TGFBR2: variants seen among roughly 807,000 people sequenced by gnomAD.
The protein encoded by TGFBR2 is TGF-beta receptor type-2.
TGFBR2 carries 18 observed loss-of-function variants against 49.0 expected under a neutral mutation model. The ratio of observed to expected loss-of-function variants is 0.37; its 90% CI spans 0.25 to 0.54. The LOEUF is 0.54. TGFBR2 is among the 20% of genes least tolerant of loss of function. The probability of loss-of-function intolerance (pLI) is 0.85; values close to 1 mark genes in which losing one functional copy is unlikely to be tolerated. For synonymous variants in TGFBR2, 282 were observed against 275.9 expected (o/e 1.02, Z -0.22); for missense variants, 525 against 722.6 (o/e 0.73, Z 3.13).
At chr3:30,688,765 C>A (rs1456241801) in intron 6 of TGFBR2, among the ~76,000 whole-genome samples, 1 of 152,206 alleles carries the variant, frequency 6.6e-6, no homozygotes, top group Non-Finnish European at 1.5e-5. Flanking sequence ...TCCAAGCCCC[C>A]TTGGTCCTGG....
intron 1 of TGFBR2, among the ~76,000 whole-genome samples, chr3:30,610,627 T>C (rs1675311768): frequency 6.6e-6 from 1 of 152,238 alleles, no homozygotes; most frequent in African/African-American, 2.4e-5. Flanking sequence ...GTGTAGCCTG[T>C]TGTAGTTGCT....
intron 1 of TGFBR2, 70 bp downstream of exon 1, chr3:30,607,047 G>A (rs967851030): frequency 1.5e-5 from 21 of 1,375,450 alleles, no homozygotes; most frequent in Admixed American, 8.4e-5. Flanking sequence ...TCTCCGCTGC[G>A]CTTGACAGTC....
In TGFBR2 at chr3:30,606,756, C is replaced by T. The variant is rs2306856; in HGVS notation, c.-128C>T. The T allele has an allele frequency of 4.7e-6, 3 of 639,528 alleles. No homozygotes were observed. Among genetic ancestry groups the T allele is most frequent in the Non-Finnish European group, 6.9e-6 (3 of 437,658 alleles). The allele number at this position is 639,528 out of a possible 1,614,324, so 39.6% of individuals were successfully genotyped here. ...TGGCGAGCGGGCGCCACATCTGGCC[C>T]GCACATCTGCGCTGCCGGCCCGGCG... On this transcript the variant is annotated 5_prime_UTR_variant, in exon 1 of 7. Coordinates refer to ENST00000295754, the MANE Select transcript of TGFBR2 (RefSeq NM_003242.6).
At chr3:30,619,474 G>C (rs1412410248) in intron 1 of TGFBR2, among the ~76,000 whole-genome samples, 1 of 152,126 alleles carries the variant, frequency 6.6e-6, no homozygotes, top group Non-Finnish European at 1.5e-5. Flanking sequence ...GGCTGCCTCA[G>C]TGTCCCTTGG....
intron 3 of TGFBR2, among the ~76,000 whole-genome samples, chr3:30,655,579 T>A (rs1698978857): frequency 6.6e-6 from 1 of 152,214 alleles, no homozygotes; most frequent in South Asian, 2.1e-4. Flanking sequence ...CACAAGTGCC[T>A]TTCACATAAG....
At chr3:30,690,787 G>C (rs1052668232) in intron 6 of TGFBR2, among the ~76,000 whole-genome samples, 2 of 152,110 alleles carry the variant, frequency 1.3e-5, no homozygotes, top group Non-Finnish European at 2.9e-5. Flanking sequence ...AAACTATTCC[G>C]CATGATACTA....
At chr3:30,671,437 G>T (rs1699334210) in intron 3 of TGFBR2, among the ~76,000 whole-genome samples, 1 of 152,162 alleles carries the variant, frequency 6.6e-6, no homozygotes, top group Non-Finnish European at 1.5e-5. Context: ...AGGAAGAGCA[G>T]GGGATGACGA....
chr3:30,607,910 T>C (rs1697960042), intron 1 of TGFBR2, among the ~76,000 whole-genome samples: 1 of 148,480 alleles, frequency 6.7e-6, no homozygotes, highest in African/African-American at 2.5e-5. Context: ...CTATTTGTTA[T>C]GGAAAGTGTA....
chr3:30,621,278 C>CT (rs10688941), intron 1 of TGFBR2, among the ~76,000 whole-genome samples: 13,957 of 116,110 alleles, frequency 0.12, 1,780 homozygotes, highest in African/African-American at 0.3. Context: ...TTTTAATATT[C>CT]TTTTTTTTTT....
chr3:30,642,202 T>C (rs940206827), intron 1 of TGFBR2, among the ~76,000 whole-genome samples: 7 of 152,148 alleles, frequency 4.6e-5, no homozygotes, highest in African/African-American at 1.7e-4. Flanking sequence ...AAAGAGCTAA[T>C]CACCTCTCCT....
intron 3 of TGFBR2, among the ~76,000 whole-genome samples, chr3:30,660,793 A>C (rs568597546): frequency 1.3e-5 from 2 of 152,348 alleles, no homozygotes; most frequent in East Asian, 3.9e-4. Context: ...TTATACGTTA[A>C]AGGAAAGCAC....
At chr3:30,637,947 C>T (rs1050533051) in intron 1 of TGFBR2, among the ~76,000 whole-genome samples, 2 of 152,218 alleles carry the variant, frequency 1.3e-5, no homozygotes, top group Non-Finnish European at 2.9e-5. Context: ...GTTTACAACA[C>T]AGCATTATGA....
Position 30,691,575 on chromosome 3 carries a change from C to T in TGFBR2, c.1680C>T (p.Asp560=), listed in dbSNP as rs376815143. 2.0e-5 allele frequency: 32 copies of T among 1,613,958 alleles called. No homozygotes were observed. Among genetic ancestry groups the T allele is most frequent in the Middle Eastern group, 1.6e-4 (1 of 6,084 alleles). The change falls in exon 7 of 7, where the codon GAC becomes GAT. Residue 560 remains aspartate (D), a synonymous_variant. Transcript: ENST00000295754. The part of the protein sequence containing the change: ...RSCSEEKIPE[D]GSLNTTK ...GCTCGGAGGAGAAGATTCCTGAAGACGGCTCCCTAAACACTACCAAATAGC... is the reference window on the plus strand; with the variant it reads ...GCTCGGAGGAGAAGATTCCTGAAGATGGCTCCCTAAACACTACCAAATAGC...
rs575830618 is a variant in TGFBR2 at position 30,662,562 on chromosome 3, G to C, written c.455-9076G>C. 9.8e-5 allele frequency among the ~76,000 whole-genome samples: 15 copies of C among 152,314 alleles called. No individual in the cohort carries two copies. The South Asian group carries it at 2.9e-3, about 29-fold the overall frequency. On this transcript the variant is annotated intron_variant, in intron 3 of 6. Transcript: ENST00000295754. ...AAATATATCCAGAATGTCAAACAGT[G>C]CTATCAATAGCTAGAAGTTAAATTA...
At chr3:30,655,262 G>A (rs910914483) in intron 3 of TGFBR2, among the ~76,000 whole-genome samples, 16 of 152,094 alleles carry the variant, frequency 1.1e-4, no homozygotes, top group Admixed American at 7.2e-4. Flanking sequence ...TGTAGCCTTC[G>A]GTCTGTTCTA....
At chr3:30,648,811 T>C (rs1218336619) in intron 2 of TGFBR2, among the ~76,000 whole-genome samples, 1 of 152,156 alleles carries the variant, frequency 6.6e-6, no homozygotes, top group Admixed American at 6.5e-5. Context: ...ACTGGCACCA[T>C]TCCTGCCTGG....
chr3:30,608,234 G>T (rs1227575492), intron 1 of TGFBR2, among the ~76,000 whole-genome samples: 1 of 152,132 alleles, frequency 6.6e-6, no homozygotes, highest in African/African-American at 2.4e-5. Context: ...ACCGCGCCCG[G>T]CCAAAAGTTA....
chr3:30,628,245 C>G (rs879371782), intron 1 of TGFBR2, among the ~76,000 whole-genome samples: 2 of 151,626 alleles, frequency 1.3e-5, no homozygotes, highest in Non-Finnish European at 2.9e-5. Flanking sequence ...TAAACCGTTA[C>G]AAACTTCTCC....
chr3:30,688,759 AG>A (rs1489970245), intron 6 of TGFBR2, among the ~76,000 whole-genome samples: 1 of 152,218 alleles, frequency 6.6e-6, no homozygotes, highest in Non-Finnish European at 1.5e-5. Context: ...ACATTTTCCA[AG>A]CCCCCTTGGT....
Sources: gnomAD v4.1 joint callset for allele counts (sites outside exome capture counted in the v4.1 genomes callset) on GRCh38, gnomAD v4.1.1 for gene constraint, MANE v1.5 for transcripts, NCBI Gene and HGNC (gene_info 2026-07-23, HGNC 2026-07-21) for gene names.